The following TSR3 variants were observed in gnomAD, a reference collection of about 807,000 sequenced individuals.
TSR3 encodes 18S rRNA aminocarboxypropyltransferase.
Under a neutral mutation model 28.1 loss-of-function variants are expected in TSR3, and 31 were observed. The ratio of observed to expected loss-of-function variants is 1.10; its 90% CI spans 0.83 to 1.49. The LOEUF is 1.49. Among genes scored for constraint, TSR3 ranks in the 40% most tolerant of loss-of-function variants. The pLI is 0.00. For synonymous variants in TSR3, 219 were observed against 197.2 expected (o/e 1.11, Z -0.93); for missense variants, 511 against 444.0 (o/e 1.15, Z -1.36).
Position 1,351,381 on chromosome 16 carries a change from G to C in TSR3, c.330C>G (p.Asp110Glu), listed in dbSNP as rs376805902. Residue 110 changes from aspartate to glutamate, a missense_variant and splice_region_variant, in exon 2 of 6, where the codon GAC becomes GAG. Transcript: ENST00000007390. Reference sequence around the variant, plus strand: ...TCGGGCAGGCCTCCCGCGCCTACCTGTCTGCGGGGGACGCGTACTGCTTGC... The same window carrying C: ...TCGGGCAGGCCTCCCGCGCCTACCTCTCTGCGGGGGACGCGTACTGCTTGC... ...PVGKQYASPA[D>E]RQLVAQSGVA... 6.3e-6 allele frequency: 10 copies of C among 1,585,080 alleles called. No homozygotes were observed. The African/African-American group carries it at 8.1e-5, about 13-fold the overall frequency.
chr16:1,349,695 G>A (rs2034614171), intron 5 of TSR3, 87 bp from the exon 6 acceptor site: 1 of 1,478,330 alleles, frequency 6.8e-7, no homozygotes, highest in South Asian at 1.3e-5. Flanking sequence ...CCCCAGCCGA[G>A]GACAGATTCC....
At position 1,349,941 on chromosome 16, in the gene TSR3, C is replaced by T. The variant is rs369589750; in HGVS notation, c.715G>A (p.Val239Met). 4.3e-6 allele frequency: 7 copies of T among 1,613,466 alleles called. No homozygotes were observed. The Admixed American group carries it at 1.2e-4, about 27-fold the overall frequency. Residue 239 changes from valine to methionine, a missense_variant, in exon 5 of 6, where the codon GTG becomes ATG. Transcript: ENST00000007390. ...TTTCCAAACTCTCTCCCTGAATCCA[C>T]ATCGAAGGGATCTGAGCCGAGAGAG... ...PQEEEIDPFD[V>M]DSGREFGNPN...
chr16:1,351,449 G>T lies in TSR3; in HGVS notation c.262C>A (p.Arg88Ser), dbSNP rs758025804. 1 of 1,593,248 alleles carries T rather than the reference G, an allele frequency of 6.3e-7. No homozygotes were observed. The highest frequency in any genetic ancestry group is 8.5e-7 in the Non-Finnish European group (1 of 1,177,834). ...LARLGLVRCL[R>S]LGHRFGGLVL... is the part of the protein sequence containing the mutation. ...AGACCGCCGAATCTGTGGCCCAGGC[G>T]CAGGCAGCGCACCAGCCCCAGGCGG... Residue 88 changes from arginine (R) to serine (S), a missense_variant, in exon 2 of 6, where the codon CGC becomes AGC. Transcript: ENST00000007390.
In TSR3 at chr16:1,350,903, G is replaced by C. The variant is rs368503649; in HGVS notation, c.430C>G (p.Leu144Val). ...FGKMRGSHLRLLPYLVAANPV... is the reference protein window; with the variant it reads ...FGKMRGSHLRVLPYLVAANPV... ...TTGGCGGCCACCAGGTAGGGCAACA[G>C]GCGCAAGTGGCTCCCTCGCATCTTC... Residue 144 changes from leucine (L) to valine (V), a missense_variant, in exon 3 of 6, where the codon CTG becomes GTG. By Grantham distance (32) the Leu-to-Val change is conservative. Transcript: ENST00000007390. The C allele has an allele frequency of 1.7e-5, 27 of 1,613,034 alleles. No individual in the cohort carries two copies. The South Asian group carries it at 2.0e-4, about 12-fold the overall frequency.
rs1360864494 is a variant in TSR3 at position 1,351,609 on chromosome 16, G to A, written c.113-11C>T. 4.8e-6 allele frequency: 7 copies of A among 1,468,776 alleles called. No homozygotes were observed. In the Admixed American group the frequency reaches 1.6e-4, roughly 33 times the overall value. The allele number at this position is 1,468,776 out of a possible 1,614,324, so 91.0% of individuals were successfully genotyped here. ...CTGGCTCCACGGAAGCTGCACGAGA[G>A]AGAGAAGGGCACTCGGCCTCAGCGT... On this transcript the variant is annotated splice_polypyrimidine_tract_variant and intron_variant, in intron 1 of 5. Transcript: ENST00000007390.
rs1194881468 is a variant in TSR3, at chr16:1,350,959, G to A, written c.374C>T (p.Ser125Phe). The part of the protein sequence containing the change: ...AQSGVAVIDC[S>F]WARLDETPFG... ...CGGTGTCTCGTCCAGCCTGGCCCAG[G>A]AGCAGTCGATGACGGCGACCCCAGA... Residue 125 changes from serine to phenylalanine, a missense_variant, in exon 3 of 6, where the codon TCC (serine) becomes TTC (phenylalanine). Coordinates refer to ENST00000007390, the MANE Select transcript of TSR3 (RefSeq NM_001001410.3). The A allele has an allele frequency of 3.7e-6, 6 of 1,612,492 alleles. No homozygotes were observed. The Admixed American group carries it at 6.7e-5, about 18-fold the overall frequency.
Position 1,350,180 on chromosome 16 carries a change from A to C in TSR3, c.581T>G (p.Phe194Cys). Residue 194 changes from phenylalanine (F) to cysteine (C), a missense_variant, in exon 4 of 6, where the codon TTC (phenylalanine) becomes TGC (cysteine). By Grantham distance (205) the Phe-to-Cys change is radical. Coordinates refer to ENST00000007390, the MANE Select transcript of TSR3 (RefSeq NM_001001410.3). ...LLRKFKWGKGFLDLNRQLLDK... is the reference protein window; with the variant it reads ...LLRKFKWGKGCLDLNRQLLDK... ...CAGGAGCTGGCGGTTCAGGTCCAAG[A>C]AGCCCTTGCCCCATTTAAACTTCCG... The C allele has an allele frequency of 6.2e-7, 1 of 1,609,412 alleles. No homozygotes were observed.
In TSR3 at chr16:1,350,103, C is replaced by T; in HGVS notation, c.658G>A (p.Glu220Lys). ...CTCTCCTTGGCATTGGCCAAGAACT[C>T]CTGCTCCGCCTGCAGCACCTCCTCC... ...SPEEVLQAEQ[E>K]FLANAKESPQ... Residue 220 changes from glutamate to lysine, a missense_variant, in exon 4 of 6, where the codon GAG becomes AAG. Coordinates refer to ENST00000007390, the MANE Select transcript of TSR3 (RefSeq NM_001001410.3). 6.2e-7 allele frequency: 1 copy of T among 1,610,890 alleles called. No individual in the cohort carries two copies.
At position 1,350,208 on chromosome 16, in the gene TSR3, G is replaced by C; in HGVS notation, c.553C>G (p.Leu185Val). The change falls in exon 4 of 6, where the codon CTG (leucine) becomes GTG (valine). Residue 185 changes from leucine to valine, a missense_variant. Transcript: ENST00000007390. The part of the protein sequence containing the change: ...VGFPDLAVIL[L>V]RKFKWGKGFL... ...CCCTTGCCCCATTTAAACTTCCGCA[G>C]CAAAATGACAGCAAGGTCTGGAAAG... The C allele has an allele frequency of 6.2e-7, 1 of 1,601,014 alleles. No homozygotes were observed. Among genetic ancestry groups the C allele is most frequent in the Non-Finnish European group, 8.5e-7 (1 of 1,177,930 alleles).
chr16:1,349,525 C>T lies in TSR3; in HGVS notation c.851G>A (p.Cys284Tyr), dbSNP rs2034607316. ...CCGTCCCTGCGTCTGCTCCTCTTCA[C>T]AGCAGCTGCTGCTGGCTCCTCCGCG... ...AERGGASSSC[C>Y]EEEQTQGRGA... is the part of the protein sequence containing the mutation. The change falls in exon 6 of 6, where the codon TGT becomes TAT. Residue 284 changes from cysteine (C) to tyrosine (Y), a missense_variant. Coordinates refer to ENST00000007390, the MANE Select transcript of TSR3 (RefSeq NM_001001410.3). The T allele has an allele frequency of 1.9e-6, 3 of 1,613,448 alleles. No homozygotes were observed. Among genetic ancestry groups the T allele is most frequent in the Non-Finnish European group, 2.5e-6 (3 of 1,179,996 alleles).
chr16:1,350,224 G>A lies in TSR3; in HGVS notation c.537C>T (p.Asp179=), dbSNP rs2034633226. The change falls in exon 4 of 6, where the codon GAC becomes GAT. Residue 179 remains aspartate, a synonymous_variant. Coordinates refer to ENST00000007390, the MANE Select transcript of TSR3 (RefSeq NM_001001410.3). Reference sequence around the variant, plus strand: ...ACTTCCGCAGCAAAATGACAGCAAGGTCTGGAAAGCCTGACGGTGTGAGAA... The same window carrying A: ...ACTTCCGCAGCAAAATGACAGCAAGATCTGGAAAGCCTGACGGTGTGAGAA... The part of the protein sequence containing the change: ...AATFCIVGFP[D]LAVILLRKFK... 1.3e-6 allele frequency: 2 copies of A among 1,596,262 alleles called. No homozygotes were observed. The highest frequency in any genetic ancestry group is 1.7e-6 in the Non-Finnish European group (2 of 1,176,600).
intron 5 of TSR3, 62 bp from the exon 6 acceptor site, chr16:1,349,670 T>C (rs935071891): frequency 7.3e-5 from 112 of 1,529,674 alleles, no homozygotes; most frequent in Non-Finnish European, 9.0e-5. Flanking sequence ...GGAGTCAACG[T>C]CATCCACAAA....
chr16:1,351,787 T>G lies in TSR3; in HGVS notation c.18A>C (p.Ala6=). The change falls in exon 1 of 6, where the codon GCA becomes GCC. Residue 6 remains alanine (A), a synonymous_variant. Transcript: ENST00000007390. ...CGCCTTCCGCCCCCGGCCCGCGCGCTGCCCTCCTGCGGCCCATGGCGCGGA... is the reference window on the plus strand; with the variant it reads ...CGCCTTCCGCCCCCGGCCCGCGCGCGGCCCTCCTGCGGCCCATGGCGCGGA... MGRRR[A]ARGPGAEGGR... The G allele has an allele frequency of 7.5e-7, 1 of 1,335,748 alleles. No homozygotes were observed. 82.7% of individuals were successfully genotyped at this position (1,335,748 alleles called of 1,614,324 possible). A position where few individuals can be genotyped will look rare whatever the true frequency, so the allele number is the denominator to read the frequency against.
At position 1,350,146 on chromosome 16, in the gene TSR3, G is replaced by C. The variant is rs767159335; in HGVS notation, c.615C>G (p.Tyr205Ter). The C allele has an allele frequency of 3.1e-6, 5 of 1,612,276 alleles. No individual in the cohort carries two copies. The South Asian group carries it at 4.4e-5, about 14-fold the overall frequency. ...CCTCCTCCGGGCTGCCGCAGGCCGCGTACTTGTCCAGGAGCTGGCGGTTCA... is the reference window on the plus strand; with the variant it reads ...CCTCCTCCGGGCTGCCGCAGGCCGCCTACTTGTCCAGGAGCTGGCGGTTCA... Reference protein sequence around the residue: ...LDLNRQLLDKYAACGSPEEVL... With the variant: ...LDLNRQLLDK The change falls in exon 4 of 6, where the codon TAC (tyrosine) becomes TAG (stop). Residue 205 changes from tyrosine to a stop codon, truncating the protein, a stop_gained. Coordinates refer to ENST00000007390, the MANE Select transcript of TSR3 (RefSeq NM_001001410.3). LOFTEE classifies it high-confidence loss of function.
At position 1,350,983 on chromosome 16, in the gene TSR3, G is replaced by C. The variant is rs2034660696; in HGVS notation, c.350C>G (p.Ser117Cys). Residue 117 changes from serine to cysteine, a missense_variant, in exon 3 of 6, where the codon TCT becomes TGT. Physicochemically the swap from Ser to Cys is moderately radical, Grantham distance 112. Transcript: ENST00000007390. ...GGAGCAGTCGATGACGGCGACCCCAGACTGCGCCACCAGCTGTCTGCCAGG... is the reference window on the plus strand; with the variant it reads ...GGAGCAGTCGATGACGGCGACCCCACACTGCGCCACCAGCTGTCTGCCAGG... ...SPADRQLVAQSGVAVIDCSWA... is the reference protein window; with the variant it reads ...SPADRQLVAQCGVAVIDCSWA... 6.2e-7 allele frequency: 1 copy of C among 1,611,944 alleles called. No individual in the cohort carries two copies. The highest frequency in any genetic ancestry group is 8.5e-7 in the Non-Finnish European group (1 of 1,179,840).
At position 1,350,817 on chromosome 16, in the gene TSR3, G is replaced by A. The variant is rs746509344; in HGVS notation, c.516C>T (p.Phe172=). The change falls in exon 3 of 6, where the codon TTC becomes TTT. Residue 172 remains phenylalanine (F), a synonymous_variant. Transcript: ENST00000007390. ...GGCCCCTGGACTCACCTACGATGCA[G>A]AAGGTGGCAGCAAACGCTTCCACGC... is the stretch of plus-strand genomic sequence containing the variant. ...LSCVEAFAAT[F]CIVGFPDLAV... The A allele has an allele frequency of 3.7e-6, 6 of 1,612,750 alleles. No individual in the cohort carries two copies. In the Admixed American group the frequency reaches 1.0e-4, roughly 27 times the overall value.
rs1440375555 is a variant in TSR3 at position 1,349,347 on chromosome 16, A to G, written c.*90T>C. The stretch of plus-strand genomic sequence containing the variant: ...ACAGCTCAGTCCTGCCAGCAGCCGC[A>G]AAGAGCCGAGGCTGCCAGGCCCATT... On this transcript the variant is annotated 3_prime_UTR_variant, in exon 6 of 6. Coordinates refer to ENST00000007390, the MANE Select transcript of TSR3 (RefSeq NM_001001410.3). 4.1e-6 allele frequency: 6 copies of G among 1,468,488 alleles called. No homozygotes were observed. The South Asian group carries it at 6.9e-5, about 17-fold the overall frequency. The allele number at this position is 1,468,488 out of a possible 1,614,324, so 91.0% of individuals were successfully genotyped here.
Position 1,351,377 on chromosome 16 carries a change from A to C in TSR3, c.332+2T>G. ...GACCTCGGGCAGGCCTCCCGCGCCT[A>C]CCTGTCTGCGGGGGACGCGTACTGC... On this transcript the variant is annotated splice_donor_variant, in intron 2 of 5. Transcript: ENST00000007390. LOFTEE classifies it high-confidence loss of function. The C allele has an allele frequency of 6.3e-7, 1 of 1,579,428 alleles. No individual in the cohort carries two copies. Among genetic ancestry groups the C allele is most frequent in the Non-Finnish European group, 8.5e-7 (1 of 1,171,858 alleles).
rs78339401 is a variant in TSR3 at position 1,350,543 on chromosome 16, T to G, written c.526+264A>C. Among the ~76,000 whole-genome samples, 1,464 of 152,078 alleles carry G rather than the reference T, an allele frequency of 9.6e-3. 18 individuals are homozygous for G. Among genetic ancestry groups the G allele is most frequent in the African/African-American group, 0.033 (1,356 of 41,480 alleles). ...AGGAGGACGTGGAGGATAAGGAGGA[T>G]TCTCTGGGCAGTGGTGCCCTGATAA... is the stretch of plus-strand genomic sequence containing the variant. On this transcript the variant is annotated intron_variant, in intron 3 of 5. Coordinates refer to ENST00000007390, the MANE Select transcript of TSR3 (RefSeq NM_001001410.3).
Sources: allele counts gnomAD v4.1 joint callset (sites outside exome capture counted in the v4.1 genomes callset), GRCh38; gene constraint gnomAD v4.1.1; transcripts MANE v1.5; gene names NCBI Gene and HGNC (gene_info 2026-07-23, HGNC 2026-07-21).